The following FAM135B variants were observed in gnomAD, a reference collection of about 807,000 sequenced individuals.
FAM135B encodes family with sequence similarity 135 member B.
In FAM135B, 43 loss-of-function variants were observed where a neutral mutation model predicts 127.7. That is an observed-to-expected ratio of 0.34 (90% CI 0.26 to 0.43). The LOEUF (loss-of-function observed/expected upper bound fraction) is 0.43. Among genes scored for constraint, FAM135B ranks in the 20% least tolerant of loss-of-function variants. FAM135B has a pLI of 1.00. For synonymous variants in FAM135B, 670 were observed against 665.1 expected (o/e 1.01, Z -0.11); for missense variants, 1,558 against 1,725.6 (o/e 0.90, Z 1.72).
intron 1 of FAM135B, among the ~76,000 whole-genome samples, chr8:138,410,905 TA>T (rs1316412264): frequency 3.3e-5 from 5 of 151,684 alleles, no homozygotes; most frequent in Admixed American, 3.3e-4. Context: ...TCAAAGAGAA[TA>T]AAATACCTAG....
chr8:138,186,071 T>C lies in FAM135B; in HGVS notation c.874-7381A>G, dbSNP rs377355995. On this transcript the variant is annotated intron_variant, in intron 9 of 19. Coordinates refer to ENST00000395297, the MANE Select transcript of FAM135B (RefSeq NM_015912.4). ...CCTGAGGGTCCTTCCCTGACTGGTGTCTGACACCCCCCACTCCTTCAGGGC... is the reference window on the plus strand; with the variant it reads ...CCTGAGGGTCCTTCCCTGACTGGTGCCTGACACCCCCCACTCCTTCAGGGC... 3.9e-5 allele frequency among the ~76,000 whole-genome samples: 6 copies of C among 152,144 alleles called. No individual in the cohort carries two copies. In the East Asian group the frequency reaches 7.8e-4, roughly 20 times the overall value.
rs193098331 is a variant in FAM135B, at chr8:138,494,424, C to T, written c.-20+2247G>A. ...CAGAAAGGACAGGTATGTGTGCAAGCGATGACACAGCACAGTCCATCACAA... is the reference window on the plus strand; with the variant it reads ...CAGAAAGGACAGGTATGTGTGCAAGTGATGACACAGCACAGTCCATCACAA... On this transcript the variant is annotated intron_variant, in intron 1 of 19. Transcript: ENST00000395297. Among the ~76,000 whole-genome samples, 169 of 152,228 alleles carry T rather than the reference C, an allele frequency of 1.1e-3. 1 individual carries two copies. The highest frequency in any genetic ancestry group is 3.8e-3 in the African/African-American group (157 of 41,560).
intron 3 of FAM135B, among the ~76,000 whole-genome samples, chr8:138,306,481 G>C (rs1169781613): frequency 6.6e-6 from 1 of 150,778 alleles, no homozygotes; most frequent in East Asian, 1.9e-4. Flanking sequence ...ACTACCAGAT[G>C]AGACTGTACA....
chr8:138,271,858 CTAGATACT>C (rs1823402744), intron 3 of FAM135B, among the ~76,000 whole-genome samples: 1 of 152,064 alleles, frequency 6.6e-6, no homozygotes, highest in Admixed American at 6.6e-5. Context: ...GGTCTAAATT[CTAGATACT>C]TTATGTTCCT....
chr8:138,142,759 TTTTTG>T lies in FAM135B; in HGVS notation c.3638+248_3638+252del, dbSNP rs542231071. ...TAGAACAAGAATTCAAACCTAGGAA[TTTTTG>T]TTTTAAGTCCAAGACTCTTTCTACA... On this transcript the variant is annotated intron_variant, in intron 16 of 19. Coordinates refer to ENST00000395297, the MANE Select transcript of FAM135B (RefSeq NM_015912.4). 617 of 373,404 alleles carry T rather than the reference TTTTTG, an allele frequency of 1.7e-3. 10 individuals carry two copies. Among genetic ancestry groups the T allele is most frequent in the South Asian group, 0.015 (332 of 22,334 alleles). 23.1% of individuals were successfully genotyped at this position (373,404 alleles called of 1,614,324 possible).
intron 3 of FAM135B, among the ~76,000 whole-genome samples, chr8:138,282,647 G>C (rs764727494): frequency 6.6e-6 from 1 of 152,282 alleles, no homozygotes; most frequent in Non-Finnish European, 1.5e-5. Context: ...ACACCTATTA[G>C]AGTGGCTAAA....
At position 138,415,879 on chromosome 8, in the gene FAM135B, T is replaced by C. The variant is rs141492553; in HGVS notation, c.-19-47877A>G. Among the ~76,000 whole-genome samples the C allele has an allele frequency of 2.4e-3, 360 of 152,296 alleles. 1 individual carries two copies. Among genetic ancestry groups the C allele is most frequent in the African/African-American group, 7.7e-3 (321 of 41,574 alleles). On this transcript the variant is annotated intron_variant, in intron 1 of 19. Transcript: ENST00000395297. Reference sequence around the variant, plus strand: ...CACATGGTTATGTGTTTATCAAATATCTCCATTGGTTTCACGGTGTCTAGA... The same window carrying C: ...CACATGGTTATGTGTTTATCAAATACCTCCATTGGTTTCACGGTGTCTAGA...
rs1434133550 is a variant in FAM135B, at chr8:138,305,620, T to C, written c.157+5221A>G. Among the ~76,000 whole-genome samples the C allele has an allele frequency of 2.0e-5, 3 of 152,238 alleles. No individual in the cohort carries two copies. In the East Asian group the frequency reaches 5.8e-4, roughly 29 times the overall value. Reference sequence around the variant, plus strand: ...ATTTTAAAATGTCTTACACCTGTTTTATCTTCCTGGAATACCTGAACTCTC... The same window carrying C: ...ATTTTAAAATGTCTTACACCTGTTTCATCTTCCTGGAATACCTGAACTCTC... On this transcript the variant is annotated intron_variant, in intron 3 of 19. Transcript: ENST00000395297.
At chr8:138,184,038 A>G (rs1815328482) in intron 9 of FAM135B, among the ~76,000 whole-genome samples, 1 of 152,226 alleles carries the variant, frequency 6.6e-6, no homozygotes, top group South Asian at 2.1e-4. Flanking sequence ...AGGCACCATG[A>G]AACACAGGAG....
intron 3 of FAM135B, among the ~76,000 whole-genome samples, chr8:138,303,888 G>A (rs993755317): frequency 1.3e-5 from 2 of 152,196 alleles, no homozygotes; most frequent in Admixed American, 6.5e-5. Flanking sequence ...GCTGAAGAGT[G>A]GCACAGAAGC....
intron 2 of FAM135B, among the ~76,000 whole-genome samples, chr8:138,326,859 A>G (rs1466327474): frequency 6.6e-6 from 1 of 152,196 alleles, no homozygotes; most frequent in African/African-American, 2.4e-5. Flanking sequence ...GGTACAGTGT[A>G]GGAGACACAG....
In FAM135B at chr8:138,152,837, T is replaced by C. The variant is rs118029994; in HGVS notation, c.1638A>G (p.Gly546=). Reference sequence around the variant, plus strand: ...CAATGTAGGTCAGCACTGGGGCCTGTCCATCCTCTGGACCTGGACTCCTTC... The same window carrying C: ...CAATGTAGGTCAGCACTGGGGCCTGCCCATCCTCTGGACCTGGACTCCTTC... ...TSRRSPGPED[G]QAPVLTYIDV... Residue 546 remains glycine, a synonymous_variant, in exon 13 of 20, where the codon GGA becomes GGG. Coordinates refer to ENST00000395297, the MANE Select transcript of FAM135B (RefSeq NM_015912.4). 270 of 1,614,160 alleles carry C rather than the reference T, an allele frequency of 1.7e-4. 4 individuals are homozygous for C. In the East Asian group the frequency reaches 5.9e-3, roughly 35 times the overall value.
At chr8:138,153,726 G>A (rs1394392130) in intron 12 of FAM135B, among the ~76,000 whole-genome samples, 5 of 152,198 alleles carry the variant, frequency 3.3e-5, no homozygotes, top group African/African-American at 1.2e-4. Flanking sequence ...CAAGGCAGCA[G>A]CGAGGCTGGG....
intron 2 of FAM135B, among the ~76,000 whole-genome samples, chr8:138,314,417 A>G (rs1373711283): frequency 6.6e-6 from 1 of 151,964 alleles, no homozygotes; most frequent in Non-Finnish European, 1.5e-5. Context: ...TATATAAAGA[A>G]CTCTTGGAAC....
At chr8:138,308,872 G>A (rs1445512293) in intron 3 of FAM135B, 6 of 314,084 alleles carry the variant, frequency 1.9e-5, no homozygotes, top group African/African-American at 4.4e-5. Flanking sequence ...CAGGTTGGCT[G>A]TGGTGTTATT....
At chr8:138,434,249 T>C (rs1273678159) in intron 1 of FAM135B, among the ~76,000 whole-genome samples, 3 of 152,240 alleles carry the variant, frequency 2.0e-5, no homozygotes, top group Admixed American at 2.0e-4. Flanking sequence ...AATTGCTGTC[T>C]AAATATGAAT....
chr8:138,426,002 TATATATATATACAC>T (rs1834839232), intron 1 of FAM135B, among the ~76,000 whole-genome samples: 9 of 14,794 alleles, frequency 6.1e-4, no homozygotes, highest in African/African-American at 3.9e-3. Flanking sequence ...TATATATATA[TATATATATATACAC>T]ACACATACAT....
At chr8:138,183,393 G>A (rs930391276) in intron 9 of FAM135B, among the ~76,000 whole-genome samples, 1 of 152,172 alleles carries the variant, frequency 6.6e-6, no homozygotes, top group Non-Finnish European at 1.5e-5. Context: ...TAGTTGCCAA[G>A]CAATGCAGCC....
At chr8:138,446,152 A>G (rs980361514) in intron 1 of FAM135B, among the ~76,000 whole-genome samples, 1 of 152,204 alleles carries the variant, frequency 6.6e-6, no homozygotes, top group African/African-American at 2.4e-5. Context: ...ATGAAATAAA[A>G]GAGGATACAA....
Sources: gnomAD v4.1 joint callset for allele counts (sites outside exome capture counted in the v4.1 genomes callset) on GRCh38, gnomAD v4.1.1 for gene constraint, MANE v1.5 for transcripts, NCBI Gene and HGNC (gene_info 2026-07-23, HGNC 2026-07-21) for gene names.